Variants in EYS observed in about 807,000 individuals in gnomAD.
EYS encodes the protein EGF-like photoreceptor maintenance factor, also known as protein eyes shut homolog.
EYS carries 250 observed loss-of-function variants against 282.1 expected under a neutral mutation model. The ratio of observed to expected loss-of-function variants is 0.89; its 90% CI spans 0.80 to 0.98. The LOEUF is 0.98. Ranked by LOEUF, EYS falls within the 50% of genes least tolerant of loss-of-function variation. The pLI is 0.00. For synonymous variants in EYS, 1,355 were observed against 1,282.9 expected (o/e 1.06, Z -1.20); for missense variants, 4,016 against 3,709.0 (o/e 1.08, Z -2.15).
intron 15 of EYS, 36 bp from the exon 16 acceptor site, chr6:64,912,779 CT>C (rs764817043): frequency 3.3e-5 from 43 of 1,290,398 alleles, no homozygotes; most frequent in Middle Eastern, 2.0e-4. Context: ...GAAGTGTGAA[CT>C]CTTTTTCAAG....
intron 30 of EYS, among the ~76,000 whole-genome samples, chr6:64,304,965 A>T (rs1196245715): frequency 6.6e-6 from 1 of 152,156 alleles, no homozygotes; most frequent in East Asian, 1.9e-4. Flanking sequence ...AATAAGCTAA[A>T]AAAGAAGAAA....
chr6:63,840,839 T>C (rs1038073895), intron 36 of EYS, among the ~76,000 whole-genome samples: 5 of 152,302 alleles, frequency 3.3e-5, no homozygotes, highest in African/African-American at 7.2e-5. Context: ...CAAAAATCTG[T>C]TGGCTTTAAA....
intron 36 of EYS, among the ~76,000 whole-genome samples, chr6:63,853,996 C>T (rs983872741): frequency 7.2e-5 from 11 of 152,160 alleles, no homozygotes; most frequent in African/African-American, 2.7e-4. Flanking sequence ...AATGCTTTTA[C>T]ACTGTTGGTG....
At chr6:65,476,223 CAGA>C (rs1562207874) in intron 5 of EYS, among the ~76,000 whole-genome samples, 1 of 152,064 alleles carries the variant, frequency 6.6e-6, no homozygotes, top group Non-Finnish European at 1.5e-5. Flanking sequence ...TTTTATCAAA[CAGA>C]ATAAACTCTA....
At chr6:64,486,583 C>T (rs920792747) in intron 26 of EYS, among the ~76,000 whole-genome samples, 4 of 151,414 alleles carry the variant, frequency 2.6e-5, no homozygotes, top group African/African-American at 9.7e-5. Context: ...GGCAGAGCAG[C>T]AGGCATGCGG....
At chr6:63,856,329 T>C (rs913226093) in intron 36 of EYS, among the ~76,000 whole-genome samples, 2 of 152,186 alleles carry the variant, frequency 1.3e-5, no homozygotes, top group Non-Finnish European at 2.9e-5. Context: ...TGTGAATATA[T>C]AGTCTCTCTA....
Position 65,321,379 on chromosome 6 carries a change from G to A in EYS, c.1766+13601C>T, listed in dbSNP as rs188153697. On this transcript the variant is annotated intron_variant, in intron 11 of 42. Transcript: ENST00000503581. ...TGTACTTGCTATTTTTCAAAAAAGAGTTGGAAAGATTTGGTGTCAACCTGG... is the reference window on the plus strand; with the variant it reads ...TGTACTTGCTATTTTTCAAAAAAGAATTGGAAAGATTTGGTGTCAACCTGG... 1.6e-3 allele frequency among the ~76,000 whole-genome samples: 244 copies of A among 152,046 alleles called. 3 individuals carry two copies. Among genetic ancestry groups the A allele is most frequent in the African/African-American group, 5.7e-3 (236 of 41,482 alleles).
At chr6:65,485,936 A>T (rs1765767174) in intron 5 of EYS, among the ~76,000 whole-genome samples, 1 of 152,232 alleles carries the variant, frequency 6.6e-6, no homozygotes, top group South Asian at 2.1e-4. Flanking sequence ...TTATTCTGTC[A>T]AAGGCAGGAC....
chr6:64,340,792 G>T (rs1278334774), intron 29 of EYS, among the ~76,000 whole-genome samples: 3 of 151,808 alleles, frequency 2.0e-5, no homozygotes, highest in African/African-American at 7.3e-5. Flanking sequence ...TACAGAATGG[G>T]AGAAAATATT....
rs576666301 is a variant in EYS at position 63,849,653 on chromosome 6, T to C, written c.7228+14533A>G. ...AACATCAACAAAAAGGACACCCACA[T>C]AAAAACCCCATCCAAAGGTCAATAG... On this transcript the variant is annotated intron_variant, in intron 36 of 42. Transcript: ENST00000503581. Among the ~76,000 whole-genome samples, 4 of 152,062 alleles carry C rather than the reference T, an allele frequency of 2.6e-5. No individual in the cohort carries two copies. The East Asian group carries it at 5.8e-4, about 22-fold the overall frequency.
chr6:64,720,002 A>G (rs1771522914), intron 22 of EYS, among the ~76,000 whole-genome samples: 1 of 152,232 alleles, frequency 6.6e-6, no homozygotes, highest in African/African-American at 2.4e-5. Context: ...GTAACAAATT[A>G]CTAAAACACT....
intron 35 of EYS, among the ~76,000 whole-genome samples, chr6:63,975,808 C>A (rs189714922): frequency 6.6e-6 from 1 of 152,102 alleles, no homozygotes; most frequent in East Asian, 1.9e-4. Flanking sequence ...AGAAGGTGAA[C>A]TTTTATTTGG....
In EYS at chr6:64,143,548, G is replaced by T. The variant is rs114373408; in HGVS notation, c.6425-61546C>A. ...ACATGGCTCAGATTCTGGGAAGTAA[G>T]TTCAAATTTGAGATGTCTTTGAGAG... On this transcript the variant is annotated intron_variant, in intron 31 of 42. Coordinates refer to ENST00000503581, the MANE Select transcript of EYS (RefSeq NM_001142800.2). Among the ~76,000 whole-genome samples, 432 of 152,222 alleles carry T rather than the reference G, an allele frequency of 2.8e-3. 2 individuals carry two copies. The highest frequency in any genetic ancestry group is 9.9e-3 in the African/African-American group (412 of 41,552).
At chr6:64,182,985 TC>T (rs1764832554) in intron 31 of EYS, among the ~76,000 whole-genome samples, 1 of 152,100 alleles carries the variant, frequency 6.6e-6, no homozygotes, top group Non-Finnish European at 1.5e-5. Flanking sequence ...GAATTGTAGT[TC>T]CCATAATCCC....
At chr6:64,018,757 G>GTTT (rs1167840626) in intron 33 of EYS, among the ~76,000 whole-genome samples, 1 of 98,658 alleles carries the variant, frequency 1.0e-5, no homozygotes, top group Non-Finnish European at 1.9e-5. Context: ...GTCATCACAA[G>GTTT]TGTTTTTTTT....
intron 2 of EYS, among the ~76,000 whole-genome samples, chr6:65,618,626 C>T (rs1285102590): frequency 6.6e-6 from 1 of 152,148 alleles, no homozygotes; most frequent in African/African-American, 2.4e-5. Context: ...GAAGTCCTTG[C>T]CCATGCCTAT....
At chr6:64,684,581 A>G (rs1289896643) in intron 22 of EYS, among the ~76,000 whole-genome samples, 1 of 62,942 alleles carries the variant, frequency 1.6e-5, no homozygotes, top group Non-Finnish European at 5.1e-5. Context: ...ACACATAATT[A>G]TAGGAAAAAA....
intron 5 of EYS, among the ~76,000 whole-genome samples, chr6:65,443,335 T>C (rs977001633): frequency 1.2e-4 from 15 of 129,070 alleles, no homozygotes; most frequent in East Asian, 3.0e-4. Context: ...TGCATACATG[T>C]ATGTACACAT....
intron 12 of EYS, among the ~76,000 whole-genome samples, chr6:65,225,833 C>T (rs1020332273): frequency 1.3e-5 from 2 of 151,004 alleles, no homozygotes; most frequent in Admixed American, 6.6e-5. Context: ...TTGCAAAAAT[C>T]CAATGCACTT....
Sources: gnomAD v4.1 joint callset for allele counts (sites outside exome capture counted in the v4.1 genomes callset) on GRCh38, gnomAD v4.1.1 for gene constraint, MANE v1.5 for transcripts, NCBI Gene and HGNC (gene_info 2026-07-23, HGNC 2026-07-21) for gene names.